MYLK: variants seen among roughly 807,000 people sequenced by gnomAD.
The protein encoded by MYLK is myosin light chain kinase, smooth muscle.
Under a neutral mutation model 203.4 loss-of-function variants are expected in MYLK, and 106 were observed. The ratio of observed to expected loss-of-function variants is 0.52; its 90% confidence interval spans 0.45 to 0.61. The LOEUF is 0.61. MYLK is among the 20% of genes least tolerant of loss of function. MYLK has a pLI of 0.00. For missense variants in MYLK, 2,072 were observed against 2,442.3 expected (o/e 0.85, Z 3.20); for synonymous variants, 867 against 959.5 (o/e 0.90, Z 1.78).
At chr3:123,797,508 A>G (rs114612403) in intron 3 of MYLK, among the ~76,000 whole-genome samples, 2,323 of 152,284 alleles carry the variant, frequency 0.015, 50 homozygotes, top group African/African-American at 0.053. Flanking sequence ...ACCCAGGACC[A>G]CACCCCAGTA....
At chr3:123,688,132 A>G (rs545007717) in intron 19 of MYLK, among the ~76,000 whole-genome samples, 2 of 150,920 alleles carry the variant, frequency 1.3e-5, no homozygotes, top group Non-Finnish European at 3.0e-5. Context: ...CTCTTCTTAT[A>G]GCCACCTCTG....
At chr3:123,637,363 C>G (rs2058679085) in intron 29 of MYLK, among the ~76,000 whole-genome samples, 1 of 152,128 alleles carries the variant, frequency 6.6e-6, no homozygotes, top group Admixed American at 6.5e-5. Flanking sequence ...CATTCCAGGT[C>G]ACCCAGACCT....
At chr3:123,766,489 C>T (rs1443916563) in intron 4 of MYLK, among the ~76,000 whole-genome samples, 1 of 152,268 alleles carries the variant, frequency 6.6e-6, no homozygotes, top group Admixed American at 6.5e-5. Flanking sequence ...GGAGGACCAC[C>T]TCTTAATATA....
chr3:123,703,044 G>A (rs781036260), intron 16 of MYLK, among the ~76,000 whole-genome samples: 88 of 152,180 alleles, frequency 5.8e-4, no homozygotes, highest in Non-Finnish European at 1.1e-3. Flanking sequence ...TAGCTGGCAG[G>A]CACCTGCACC....
At chr3:123,728,136 G>T (rs2062353427) in intron 11 of MYLK, among the ~76,000 whole-genome samples, 1 of 152,184 alleles carries the variant, frequency 6.6e-6, no homozygotes, top group African/African-American at 2.4e-5. Flanking sequence ...CTGGCAAAAA[G>T]AGTCAAAAGC....
chr3:123,692,839 G>A lies in MYLK; in HGVS notation c.3461C>T (p.Ser1154Phe). Reference protein sequence around the residue: ...IILSQEGSLCSVSIEKALPED... With the variant: ...IILSQEGSLCFVSIEKALPED... ...AGGCAGTGCCTTCTCGATGGAGACG[G>A]AGCAGAGTGAGCCTGGGGAGGAAGA... The change falls in exon 19 of 34, where the codon TCC becomes TTC. Residue 1154 changes from serine (S) to phenylalanine (F), a missense_variant. Around this residue, in one of 3 missense-constraint regions of MYLK, gnomAD observed 865 missense variants for 1,016.0 expected, o/e 0.85. Coordinates refer to ENST00000360304, the MANE Select transcript of MYLK (RefSeq NM_053025.4). The A allele has an allele frequency of 1.9e-6, 3 of 1,613,840 alleles. No homozygotes were observed. Among genetic ancestry groups the A allele is most frequent in the Non-Finnish European group, 2.5e-6 (3 of 1,179,838 alleles).
chr3:123,831,469 C>T (rs752881575), intron 3 of MYLK, 79 bp downstream of exon 3: 3 of 1,282,738 alleles, frequency 2.3e-6, no homozygotes, highest in Non-Finnish European at 1.0e-6. Flanking sequence ...GAAAGACACA[C>T]AGCTCCCCTC....
At chr3:123,754,687 T>A (rs935654622) in intron 4 of MYLK, among the ~76,000 whole-genome samples, 6 of 152,138 alleles carry the variant, frequency 3.9e-5, no homozygotes, top group Admixed American at 2.0e-4. Context: ...GGATTGTGAG[T>A]CTCCTCCTTT....
intron 4 of MYLK, among the ~76,000 whole-genome samples, chr3:123,777,017 T>C (rs891577505): frequency 6.6e-6 from 1 of 152,242 alleles, no homozygotes; most frequent in Admixed American, 6.5e-5. Context: ...AGCAGAACCA[T>C]AGGTAATTTT....
At chr3:123,789,337 C>T (rs1020165468) in intron 4 of MYLK, among the ~76,000 whole-genome samples, 5 of 152,164 alleles carry the variant, frequency 3.3e-5, no homozygotes, top group African/African-American at 4.8e-5. Context: ...TGACCCCGCC[C>T]CCCCAGGCCT....
At chr3:123,683,699 A>AGC (rs2060348726) in intron 19 of MYLK, among the ~76,000 whole-genome samples, 1 of 152,152 alleles carries the variant, frequency 6.6e-6, no homozygotes, top group Admixed American at 6.5e-5. Context: ...GCAGCTCAGA[A>AGC]GCAGACAGGC....
intron 23 of MYLK, chr3:123,659,636 T>A: frequency 1.9e-6 from 1 of 514,840 alleles, no homozygotes; most frequent in South Asian, 1.4e-5. Flanking sequence ...TTCTGTTCTT[T>A]CTAAGCTATG....
At chr3:123,835,337 T>C (rs2066449121) in intron 2 of MYLK, among the ~76,000 whole-genome samples, 1 of 152,180 alleles carries the variant, frequency 6.6e-6, no homozygotes, top group South Asian at 2.1e-4. Flanking sequence ...AGAGAGATTT[T>C]AGAAATCCTG....
chr3:123,704,499 G>T (rs2061373342), intron 16 of MYLK, among the ~76,000 whole-genome samples: 1 of 152,162 alleles, frequency 6.6e-6, no homozygotes, highest in Non-Finnish European at 1.5e-5. Context: ...CTTTTGCCTT[G>T]GCTTACTAAG....
chr3:123,876,889 T>C (rs991803124), intron 1 of MYLK, among the ~76,000 whole-genome samples: 5 of 152,230 alleles, frequency 3.3e-5, no homozygotes, highest in South Asian at 2.1e-4. Context: ...GTTACAGATA[T>C]AAAATTTTAG....
At chr3:123,704,377 A>C (rs113726016) in intron 16 of MYLK, among the ~76,000 whole-genome samples, 2 of 152,200 alleles carry the variant, frequency 1.3e-5, no homozygotes, top group African/African-American at 4.8e-5. Flanking sequence ...TGACATCTGC[A>C]CATAACCAGT....
chr3:123,667,305 G>C (rs558698358), intron 20 of MYLK, 118 bp from the exon 21 acceptor site: 4 of 1,011,928 alleles, frequency 4.0e-6, no homozygotes, highest in Middle Eastern at 4.0e-4. Context: ...ACTCTTATTT[G>C]AACATGTCTT....
intron 2 of MYLK, among the ~76,000 whole-genome samples, chr3:123,854,569 T>C (rs1375821015): frequency 6.6e-6 from 1 of 152,112 alleles, no homozygotes; most frequent in East Asian, 1.9e-4. Flanking sequence ...CCAAAACATA[T>C]CCTTTATGGG....
intron 4 of MYLK, among the ~76,000 whole-genome samples, chr3:123,791,178 G>A (rs966155607): frequency 1.3e-5 from 2 of 152,168 alleles, no homozygotes. Context: ...CCCCAACAGT[G>A]AAGGCTGACA....
Sources: allele counts gnomAD v4.1 joint callset (sites outside exome capture counted in the v4.1 genomes callset), GRCh38; gene constraint gnomAD v4.1.1; regional missense constraint gnomAD v4.1.1; transcripts MANE v1.5; gene names NCBI Gene and HGNC (gene_info 2026-07-23, HGNC 2026-07-21).